Variants in COMMD10 observed in about 807,000 individuals in gnomAD.
COMMD10 encodes the protein COMM domain containing 10, also known as COMM domain-containing protein 10.
Under a neutral mutation model 28.9 loss-of-function variants are expected in COMMD10, and 33 were observed. The ratio of observed to expected loss-of-function variants is 1.14; its 90% confidence interval spans 0.87 to 1.53. COMMD10 has a LOEUF of 1.53. Ranked by LOEUF, COMMD10 falls within the 40% of genes most tolerant of loss-of-function variation. The pLI, the probability that COMMD10 is intolerant of heterozygous loss-of-function variation, is 0.00. For synonymous variants in COMMD10, 110 were observed against 81.7 expected (o/e 1.35, Z -1.87); for missense variants, 310 against 233.4 (o/e 1.33, Z -2.14).
intron 5 of COMMD10, among the ~76,000 whole-genome samples, chr5:116,185,828 A>G (rs1283159431): frequency 2.6e-5 from 4 of 151,964 alleles, no homozygotes; most frequent in Non-Finnish European, 5.9e-5. Flanking sequence ...GACCCTTAAT[A>G]TTTTCATTAT....
intron 4 of COMMD10, among the ~76,000 whole-genome samples, chr5:116,112,430 T>C (rs1254586161): frequency 6.6e-6 from 1 of 152,016 alleles, no homozygotes; most frequent in Admixed American, 6.6e-5. Flanking sequence ...TGGAGTCGCG[T>C]GCTGTCGCCA....
At chr5:116,144,397 T>A (rs79011432) in intron 5 of COMMD10, among the ~76,000 whole-genome samples, 8,026 of 151,880 alleles carry the variant, frequency 0.053, 290 homozygotes, top group East Asian at 0.14. Context: ...TAGGTGCTAG[T>A]ATTTTCCTAT....
At chr5:116,235,897 T>A (rs1286566483) in intron 5 of COMMD10, among the ~76,000 whole-genome samples, 1 of 152,194 alleles carries the variant, frequency 6.6e-6, no homozygotes, top group Non-Finnish European at 1.5e-5. Flanking sequence ...AATCAATAGT[T>A]TTCTTCAAGT....
At chr5:116,262,269 T>G (rs1477754881) in intron 5 of COMMD10, among the ~76,000 whole-genome samples, 4 of 151,768 alleles carry the variant, frequency 2.6e-5, no homozygotes, top group Non-Finnish European at 5.9e-5. Flanking sequence ...CCCTCAAAAC[T>G]GCTGAAGTAT....
intron 5 of COMMD10, among the ~76,000 whole-genome samples, chr5:116,262,892 A>G (rs1750486190): frequency 6.6e-6 from 1 of 151,778 alleles, no homozygotes; most frequent in South Asian, 2.1e-4. Flanking sequence ...GTTCCTTTTT[A>G]AAAAACAGTA....
At chr5:116,159,406 G>A (rs1025945239) in intron 5 of COMMD10, among the ~76,000 whole-genome samples, 1 of 152,266 alleles carries the variant, frequency 6.6e-6, no homozygotes, top group Non-Finnish European at 1.5e-5. Flanking sequence ...TTTCCCTTCT[G>A]TTAGGTCTCT....
intron 5 of COMMD10, among the ~76,000 whole-genome samples, chr5:116,175,363 A>T (rs1461526765): frequency 6.6e-6 from 1 of 152,174 alleles, no homozygotes; most frequent in Non-Finnish European, 1.5e-5. Flanking sequence ...CTTATGTCAC[A>T]TAATGGGTGT....
chr5:116,210,057 A>T (rs902541548), intron 5 of COMMD10, among the ~76,000 whole-genome samples: 1 of 152,088 alleles, frequency 6.6e-6, no homozygotes, highest in Admixed American at 6.6e-5. Context: ...AGTTGTGCTT[A>T]GAAGACAGAG....
intron 4 of COMMD10, among the ~76,000 whole-genome samples, chr5:116,096,418 G>A (rs7734133): frequency 0.74 from 111,798 of 151,560 alleles, 41,645 homozygotes; most frequent in Non-Finnish European, 0.8. Context: ...TGGAAATACA[G>A]TAGACTTTTC....
At chr5:116,249,083 A>G (rs1248928220) in intron 5 of COMMD10, among the ~76,000 whole-genome samples, 2 of 151,926 alleles carry the variant, frequency 1.3e-5, no homozygotes, top group African/African-American at 2.4e-5. Flanking sequence ...TTCACATCAG[A>G]GCATGGTTAC....
At chr5:116,136,729 T>G (rs1752035394) in intron 5 of COMMD10, among the ~76,000 whole-genome samples, 1 of 152,158 alleles carries the variant, frequency 6.6e-6, no homozygotes, top group Non-Finnish European at 1.5e-5. Flanking sequence ...ACATTTATGT[T>G]TTTCTGTGTT....
At chr5:116,291,722 G>A in intron 6 of COMMD10, 146 bp downstream of exon 6, 1 of 523,548 alleles carries the variant, frequency 1.9e-6, no homozygotes, top group South Asian at 2.8e-5. Flanking sequence ...TTTCACAGGA[G>A]GAAGTATAGC....
At chr5:116,203,390 C>A (rs1044574407) in intron 5 of COMMD10, among the ~76,000 whole-genome samples, 2 of 151,940 alleles carry the variant, frequency 1.3e-5, no homozygotes, top group East Asian at 3.9e-4. Flanking sequence ...ATACAGAGAA[C>A]GCCACAAAGA....
At chr5:116,167,702 T>G (rs960092196) in intron 5 of COMMD10, among the ~76,000 whole-genome samples, 1 of 152,188 alleles carries the variant, frequency 6.6e-6, no homozygotes, top group African/African-American at 2.4e-5. Flanking sequence ...AAAAGAATTT[T>G]CAACCCAGAA....
intron 5 of COMMD10, among the ~76,000 whole-genome samples, chr5:116,245,409 A>T (rs72806920): frequency 2.6e-5 from 4 of 152,132 alleles, no homozygotes; most frequent in Admixed American, 2.0e-4. Flanking sequence ...GAATTCTCCC[A>T]GATGTATGAA....
At chr5:116,241,798 T>C (rs1749821780) in intron 5 of COMMD10, among the ~76,000 whole-genome samples, 1 of 151,862 alleles carries the variant, frequency 6.6e-6, no homozygotes, top group African/African-American at 2.4e-5. Flanking sequence ...ATTTTCTTTT[T>C]AGTAGAGACG....
At chr5:116,280,885 A>G (rs1349499580) in intron 5 of COMMD10, among the ~76,000 whole-genome samples, 1 of 151,932 alleles carries the variant, frequency 6.6e-6, no homozygotes, top group African/African-American at 2.4e-5. Flanking sequence ...AAACTCATTC[A>G]GTAAGACTTG....
intron 5 of COMMD10, chr5:116,255,716 A>G (rs1750265176): frequency 6.6e-6 from 1 of 151,558 alleles, no homozygotes; most frequent in African/African-American, 2.4e-5. Flanking sequence ...CGTAAATGCT[A>G]ACTGAATATA....
At chr5:116,185,952 C>T (rs991606906) in intron 5 of COMMD10, among the ~76,000 whole-genome samples, 3 of 152,078 alleles carry the variant, frequency 2.0e-5, no homozygotes, top group Non-Finnish European at 4.4e-5. Context: ...TGAATGTTAC[C>T]TGACTTTACT....
Sources: allele counts gnomAD v4.1 joint callset (sites outside exome capture counted in the v4.1 genomes callset), GRCh38; gene constraint gnomAD v4.1.1; transcripts MANE v1.5; gene names NCBI Gene and HGNC (gene_info 2026-07-23, HGNC 2026-07-21).